The following EPG5 variants were observed in gnomAD, a reference collection of about 807,000 sequenced individuals.
EPG5 encodes the protein ectopic P granules protein 5 homolog.
In EPG5, 159 loss-of-function variants were observed where a neutral mutation model predicts 302.7. That is an observed-to-expected ratio of 0.53 (90% CI 0.46 to 0.60). The LOEUF (loss-of-function observed/expected upper bound fraction) is 0.60, where lower values mean the gene tolerates loss of function less well. Ranked by LOEUF, EPG5 falls within the 20% of genes least tolerant of loss-of-function variation. EPG5 has a pLI of 0.00. For synonymous variants in EPG5, 1,158 were observed against 1,136.8 expected (o/e 1.02, Z -0.37); for missense variants, 2,896 against 3,092.4 (o/e 0.94, Z 1.51).
chr18:45,802,940 C>T, the EPG5 span, among the ~76,000 whole-genome samples: 1 of 152,168 alleles, frequency 6.6e-6, no homozygotes, highest in Non-Finnish European at 1.5e-5. Flanking sequence ...TCTCTTAAGG[C>T]ATAGTGAGTC....
In EPG5 at chr18:45,858,556, G is replaced by T. The variant is rs145191223; in HGVS notation, c.7226+10C>A. 13 of 1,609,100 alleles carry T rather than the reference G, an allele frequency of 8.1e-6. No homozygotes were observed. The highest frequency in any genetic ancestry group is 1.1e-5 in the Non-Finnish European group (13 of 1,175,602). On this transcript the variant is annotated intron_variant, in intron 41 of 43. Coordinates refer to ENST00000282041, the MANE Select transcript of EPG5 (RefSeq NM_020964.3). The stretch of plus-strand genomic sequence containing the variant: ...GCAAGTTTGATGTAACAGCCTGAGG[G>T]CCAACGTACCTTGGGTACACCTGTT...
chr18:45,894,026 AAGAC>A (rs1180867383), intron 27 of EPG5, among the ~76,000 whole-genome samples: 1 of 152,206 alleles, frequency 6.6e-6, no homozygotes, highest in Non-Finnish European at 1.5e-5. Flanking sequence ...AAACATGAAT[AAGAC>A]AAAGTCCCTG....
chr18:45,801,670 T>C, the EPG5 span, among the ~76,000 whole-genome samples: 1 of 152,104 alleles, frequency 6.6e-6, no homozygotes, highest in East Asian at 1.9e-4. Flanking sequence ...CCTTTCCCAG[T>C]CTTTAATCCC....
chr18:45,903,138 G>A (rs918237418), intron 25 of EPG5, among the ~76,000 whole-genome samples: 1 of 152,046 alleles, frequency 6.6e-6, no homozygotes, highest in African/African-American at 2.4e-5. Context: ...CAAACTTTCA[G>A]GAATAGAAAA....
At chr18:45,883,404 G>A (rs2049143012) in intron 30 of EPG5, among the ~76,000 whole-genome samples, 1 of 150,388 alleles carries the variant, frequency 6.6e-6, no homozygotes, top group South Asian at 2.1e-4. Context: ...TATAAAACAT[G>A]TTCTCCTCCA....
the EPG5 span, chr18:45,837,454 C>T: frequency 4.2e-5 from 60 of 1,418,906 alleles, no homozygotes; most frequent in Middle Eastern, 1.8e-3. Context: ...TTCCAGGCCC[C>T]GGGTGCGGGC....
chr18:45,827,755 G>A, the EPG5 span, among the ~76,000 whole-genome samples: 16 of 152,320 alleles, frequency 1.1e-4, no homozygotes, highest in East Asian at 2.5e-3. Context: ...AAGTCACAGC[G>A]TTTCAAGAGA....
intron 11 of EPG5, among the ~76,000 whole-genome samples, chr18:45,934,568 G>A (rs1427308982): frequency 1.3e-5 from 2 of 152,198 alleles, no homozygotes; most frequent in South Asian, 4.1e-4. Context: ...CTTCCTAAAA[G>A]TTAGAATATT....
chr18:45,876,445 T>C, intron 34 of EPG5, 103 bp from the exon 35 acceptor site: 2 of 824,212 alleles, frequency 2.4e-6, no homozygotes, highest in Admixed American at 2.0e-5. Flanking sequence ...CTGTCCATTA[T>C]GTAGGCCTGA....
chr18:45,893,759 T>C (rs1176209384), intron 27 of EPG5, among the ~76,000 whole-genome samples: 1 of 152,142 alleles, frequency 6.6e-6, no homozygotes, highest in Admixed American at 6.5e-5. Context: ...GTATAGTATT[T>C]AAGTTGAGTA....
chr18:45,917,568 C>T (rs960099443), intron 17 of EPG5, 111 bp downstream of exon 17: 81 of 1,344,434 alleles, frequency 6.0e-5, no homozygotes, highest in African/African-American at 2.6e-4. Context: ...CCCCATAATA[C>T]GCTGTTGAAA....
chr18:45,828,199 C>T, the EPG5 span, among the ~76,000 whole-genome samples: 8 of 152,200 alleles, frequency 5.3e-5, no homozygotes, highest in African/African-American at 1.4e-4. Context: ...CCTGTGCCAA[C>T]GCAGGCCCGC....
At chr18:45,813,839 A>G in the EPG5 span, among the ~76,000 whole-genome samples, 1 of 152,166 alleles carries the variant, frequency 6.6e-6, no homozygotes, top group Non-Finnish European at 1.5e-5. Flanking sequence ...GGTGCAGCAC[A>G]CCAACATGGC....
chr18:45,905,114 C>CA (rs1415363599), intron 24 of EPG5, among the ~76,000 whole-genome samples: 1 of 152,204 alleles, frequency 6.6e-6, no homozygotes, highest in African/African-American at 2.4e-5. Flanking sequence ...CCTCTCCCTA[C>CA]ACTCCCATGG....
chr18:45,931,147 C>A (rs565528876), intron 11 of EPG5, among the ~76,000 whole-genome samples: 1 of 152,342 alleles, frequency 6.6e-6, no homozygotes, highest in East Asian at 1.9e-4. Flanking sequence ...AACTGCAAAG[C>A]ACTGCTGCTG....
chr18:45,939,881 C>T, intron 9 of EPG5, 126 bp from the exon 10 acceptor site: 1 of 848,952 alleles, frequency 1.2e-6, no homozygotes. Flanking sequence ...CTACTATTGT[C>T]CAGGTTCTGA....
At chr18:45,958,285 G>A (rs1370489206) in intron 1 of EPG5, among the ~76,000 whole-genome samples, 5 of 152,172 alleles carry the variant, frequency 3.3e-5, no homozygotes, top group African/African-American at 1.2e-4. Flanking sequence ...ACAATGCCTT[G>A]CAAAATCCTA....
At chr18:45,805,666 G>T in the EPG5 span, among the ~76,000 whole-genome samples, 1 of 152,110 alleles carries the variant, frequency 6.6e-6, no homozygotes, top group Non-Finnish European at 1.5e-5. Flanking sequence ...TATACAGATA[G>T]AGTGAAAGTA....
In EPG5 at chr18:45,879,233, C is replaced by A. The variant is rs1349897169; in HGVS notation, c.5668-19G>T. ...CCATTACCTGGAAGAGACAACTAGTCAAAAAATGCTTACTAAATATGTATT... is the reference window on the plus strand; with the variant it reads ...CCATTACCTGGAAGAGACAACTAGTAAAAAAATGCTTACTAAATATGTATT... On this transcript the variant is annotated intron_variant, in intron 32 of 43. Transcript: ENST00000282041. 3.9e-6 allele frequency: 6 copies of A among 1,555,844 alleles called. No individual in the cohort carries two copies. The South Asian group carries it at 4.6e-5, about 12-fold the overall frequency.
Sources: allele counts gnomAD v4.1 joint callset (sites outside exome capture counted in the v4.1 genomes callset), GRCh38; gene constraint gnomAD v4.1.1; transcripts MANE v1.5; gene names NCBI Gene and HGNC (gene_info 2026-07-23, HGNC 2026-07-21).